MSH4: variants seen among roughly 807,000 people sequenced by gnomAD.
MSH4 encodes the protein mutS protein homolog 4.
A neutral mutation model predicts 113.7 loss-of-function variants in MSH4; 106 were observed. The ratio of observed to expected loss-of-function variants is 0.93; its 90% confidence interval spans 0.80 to 1.10. MSH4 has a LOEUF of 1.10. Ranked by LOEUF, MSH4 falls within the 50% of genes least tolerant of loss-of-function variation. The pLI is 0.00. For missense variants in MSH4, 1,061 were observed against 1,093.7 expected (o/e 0.97, Z 0.42); for synonymous variants, 368 against 380.2 (o/e 0.97, Z 0.37).
At chr1:75,874,039 A>C (rs566692354) in intron 9 of MSH4, among the ~76,000 whole-genome samples, 1 of 152,196 alleles carries the variant, frequency 6.6e-6, no homozygotes, top group Non-Finnish European at 1.5e-5. Flanking sequence ...TTCATACACC[A>C]ACAGTGTATA....
At chr1:75,890,580 C>G in intron 16 of MSH4, 116 bp from the exon 17 acceptor site, 1 of 534,058 alleles carries the variant, frequency 1.9e-6, no homozygotes, top group Non-Finnish European at 3.2e-6. Context: ...AGCAGGATGT[C>G]TCTAAGAATA....
At chr1:75,799,785 G>A (rs1331568874) in intron 1 of MSH4, among the ~76,000 whole-genome samples, 1 of 152,136 alleles carries the variant, frequency 6.6e-6, no homozygotes, top group Non-Finnish European at 1.5e-5. Context: ...TCTGGTTTTG[G>A]TGACTGGATA....
chr1:75,810,641 T>C (rs1018397204), intron 3 of MSH4, 56 bp from the exon 4 acceptor site: 12 of 785,716 alleles, frequency 1.5e-5, no homozygotes, highest in Non-Finnish European at 2.2e-5. Context: ...CAGAAAAATA[T>C]GAAACTTTTA....
In MSH4 at chr1:75,879,129, G is replaced by A. The variant is rs1651877525; in HGVS notation, c.1677+1G>A. ...TCAACTTCCTTCAGAATTTATTAAG[G>A]TTCATTTTAGAGTGGTTAGGAAATT... On this transcript the variant is annotated splice_donor_variant, in intron 12 of 19. Coordinates refer to ENST00000263187, the MANE Select transcript of MSH4 (RefSeq NM_002440.4). LOFTEE classifies it high-confidence loss of function. 1.9e-6 allele frequency: 3 copies of A among 1,607,946 alleles called. No individual in the cohort carries two copies. In the African/African-American group the frequency reaches 4.0e-5, roughly 22 times the overall value.
At chr1:75,861,864 C>G (rs928053444) in intron 8 of MSH4, among the ~76,000 whole-genome samples, 1 of 152,194 alleles carries the variant, frequency 6.6e-6, no homozygotes, top group Non-Finnish European at 1.5e-5. Flanking sequence ...CAGATATGCC[C>G]TGCCCCCAGA....
At chr1:75,867,754 T>G (rs1270988894) in intron 9 of MSH4, among the ~76,000 whole-genome samples, 166 bp downstream of exon 9, 1 of 152,150 alleles carries the variant, frequency 6.6e-6, no homozygotes, top group East Asian at 1.9e-4. Flanking sequence ...TTAGCCTTAT[T>G]ATGCTTACTG....
chr1:75,899,540 G>A, intron 18 of MSH4, 78 bp from the exon 19 acceptor site: 1 of 742,104 alleles, frequency 1.3e-6, no homozygotes, highest in South Asian at 2.4e-5. Context: ...GTGACTAAAA[G>A]ATTAATACTA....
intron 7 of MSH4, among the ~76,000 whole-genome samples, chr1:75,833,598 G>A (rs1180652522): frequency 6.6e-6 from 1 of 152,048 alleles, no homozygotes; most frequent in African/African-American, 2.4e-5. Flanking sequence ...ATAGACCAAT[G>A]GAACAGAGTA....
chr1:75,858,243 C>A (rs915559760), intron 8 of MSH4, among the ~76,000 whole-genome samples: 6 of 152,074 alleles, frequency 3.9e-5, no homozygotes, highest in Non-Finnish European at 8.8e-5. Flanking sequence ...TCTTCCTATT[C>A]AAATACCCTT....
intron 7 of MSH4, among the ~76,000 whole-genome samples, chr1:75,831,331 A>G (rs1218749928): frequency 3.3e-5 from 5 of 152,158 alleles, no homozygotes; most frequent in Admixed American, 2.6e-4. Flanking sequence ...CTCCCACACA[A>G]TAATAGTCGG....
At chr1:75,878,428 T>C (rs375336041) in intron 11 of MSH4, 110 bp downstream of exon 11, 6 of 858,524 alleles carry the variant, frequency 7.0e-6, no homozygotes, top group East Asian at 2.9e-5. Context: ...AATTTATTTT[T>C]CGTTACCAAA....
Position 75,881,338 on chromosome 1 carries a change from C to T in MSH4, c.1874C>T (p.Ser625Leu). The change falls in exon 14 of 20, where the codon TCA (serine) becomes TTA (leucine). Residue 625 changes from serine (S) to leucine (L), a missense_variant. Transcript: ENST00000263187. ...DTVSMLDMLLSFAHACTLSDY... is the reference protein window; with the variant it reads ...DTVSMLDMLLLFAHACTLSDY... ...GTGTCAATGCTGGATATGCTACTGT[C>T]ATTTGCTCATGCCTGCACTCTTTCT... is the stretch of plus-strand genomic sequence containing the variant. 1 of 1,611,936 alleles carries T rather than the reference C, an allele frequency of 6.2e-7. No individual in the cohort carries two copies. Among genetic ancestry groups the T allele is most frequent in the Non-Finnish European group, 8.5e-7 (1 of 1,179,016 alleles).
chr1:75,829,931 A>C (rs1478405403), intron 7 of MSH4, among the ~76,000 whole-genome samples: 1 of 152,196 alleles, frequency 6.6e-6, no homozygotes, highest in Admixed American at 6.5e-5. Flanking sequence ...CAAAGCTGGA[A>C]GGAGAATGAC....
chr1:75,813,064 A>G (rs1410882968), intron 4 of MSH4, among the ~76,000 whole-genome samples: 1 of 152,182 alleles, frequency 6.6e-6, no homozygotes, highest in Non-Finnish European at 1.5e-5. Flanking sequence ...GTTTACTTCT[A>G]TGAGATTTAA....
intron 1 of MSH4, among the ~76,000 whole-genome samples, chr1:75,798,559 C>CTTT (rs35974049): frequency 0.48 from 66,152 of 137,334 alleles, 16,854 homozygotes; most frequent in Middle Eastern, 0.62. Context: ...CCTCTCTGCA[C>CTTT]TTTTTTTTTT....
At chr1:75,807,624 C>T (rs1650097027) in intron 3 of MSH4, among the ~76,000 whole-genome samples, 1 of 152,100 alleles carries the variant, frequency 6.6e-6, no homozygotes, top group Non-Finnish European at 1.5e-5. Flanking sequence ...TCATATTAGG[C>T]AATACTACTA....
chr1:75,854,864 T>A (rs958080322), intron 8 of MSH4, among the ~76,000 whole-genome samples: 5 of 152,196 alleles, frequency 3.3e-5, no homozygotes, highest in Non-Finnish European at 5.9e-5. Context: ...AGTTAATGTT[T>A]ATGATATTTT....
rs753378743 is a variant in MSH4 at position 75,878,169 on chromosome 1, AG to A, written c.1392del (p.Ile465LeufsTer4). The A allele has an allele frequency of 8.1e-6, 13 of 1,599,570 alleles. No homozygotes were observed. The highest frequency in any genetic ancestry group is 1.1e-5 in the Non-Finnish European group (13 of 1,174,802). ...EDKRFGIILE[K>X]IKTVINDDAR... Reference sequence around the variant, plus strand: ...ATTAGGTTTGGAATCATACTTGAAAAGATTAAAACAGTAATTAATGATGATG... The same window carrying A: ...ATTAGGTTTGGAATCATACTTGAAAAATTAAAACAGTAATTAATGATGATG... On this transcript the variant is annotated frameshift_variant, in exon 11 of 20. Transcript: ENST00000263187. LOFTEE classifies it high-confidence loss of function.
chr1:75,902,697 ATATATATAT>A (rs1216852145), intron 19 of MSH4, among the ~76,000 whole-genome samples: 2 of 17,778 alleles, frequency 1.1e-4, no homozygotes, highest in Non-Finnish European at 2.3e-4. Context: ...ATATATATAT[ATATATATAT>A]ATATATATAT....
Sources: allele counts gnomAD v4.1 joint callset (sites outside exome capture counted in the v4.1 genomes callset), GRCh38; gene constraint gnomAD v4.1.1; transcripts MANE v1.5; gene names NCBI Gene and HGNC (gene_info 2026-07-23, HGNC 2026-07-21).